The following CAST variants were observed in gnomAD, a reference collection of about 807,000 sequenced individuals.
The protein encoded by CAST is MIR583 host.
A neutral mutation model predicts 119.6 loss-of-function variants in CAST; 76 were observed. The ratio of observed to expected loss-of-function variants is 0.64; its 90% CI spans 0.53 to 0.77. CAST has a LOEUF of 0.77. CAST is among the 30% of genes least tolerant of loss of function. The pLI is 0.00. For synonymous variants in CAST, 319 were observed against 331.6 expected (o/e 0.96, Z 0.41); for missense variants, 953 against 946.5 (o/e 1.01, Z -0.09).
At chr5:96,518,597 A>G in the CAST span, among the ~76,000 whole-genome samples, 1 of 152,230 alleles carries the variant, frequency 6.6e-6, no homozygotes, top group African/African-American at 2.4e-5. Flanking sequence ...CCAAGCAGTT[A>G]TAATGATTGC....
chr5:96,643,112 A>T (rs1747973375), intron 1 of CAST, among the ~76,000 whole-genome samples: 1 of 152,198 alleles, frequency 6.6e-6, no homozygotes, highest in Non-Finnish European at 1.5e-5. Flanking sequence ...CATACAAAAC[A>T]ACGTTCACAA....
intron 1 of CAST, among the ~76,000 whole-genome samples, chr5:96,561,285 A>G (rs145392901): frequency 2.0e-4 from 30 of 152,044 alleles, no homozygotes; most frequent in African/African-American, 5.5e-4. Context: ...CAGCACACCA[A>G]CATGGCACAT....
the CAST span, among the ~76,000 whole-genome samples, chr5:96,237,716 T>G: frequency 6.6e-6 from 1 of 152,124 alleles, no homozygotes; most frequent in Non-Finnish European, 1.5e-5. Context: ...AAGTATATTT[T>G]CATAGAATTA....
the CAST span, among the ~76,000 whole-genome samples, chr5:96,243,361 C>G: frequency 6.7e-6 from 1 of 150,230 alleles, no homozygotes; most frequent in Non-Finnish European, 1.5e-5. Context: ...ACGTTTTGCT[C>G]ACTAATCCTA....
intron 1 of CAST, among the ~76,000 whole-genome samples, chr5:96,616,723 TCGC>T (rs1561431219): frequency 4.8e-4 from 65 of 136,328 alleles, no homozygotes; most frequent in African/African-American, 1.6e-3. Flanking sequence ...CACCAAGCGC[TCGC>T]TCGCTCTCTC....
At chr5:96,299,344 C>CAATG in the CAST span, among the ~76,000 whole-genome samples, 1 of 151,880 alleles carries the variant, frequency 6.6e-6, no homozygotes, top group Non-Finnish European at 1.5e-5. Flanking sequence ...GGATCAAAGG[C>CAATG]AATGAAGCAC....
the CAST span, among the ~76,000 whole-genome samples, chr5:96,047,062 C>T: frequency 6.6e-6 from 1 of 152,110 alleles, no homozygotes. Context: ...CCTAAAGAAC[C>T]ACATTAGCAT....
the CAST span, among the ~76,000 whole-genome samples, chr5:96,096,480 G>T: frequency 6.6e-6 from 1 of 152,120 alleles, no homozygotes; most frequent in African/African-American, 2.4e-5. Context: ...CAAGACCCAG[G>T]GAAAGGGAGG....
intron 1 of CAST, among the ~76,000 whole-genome samples, chr5:96,663,343 G>T (rs1444709579): frequency 6.6e-6 from 1 of 152,214 alleles, no homozygotes; most frequent in African/African-American, 2.4e-5. Context: ...GGGAGAGGCA[G>T]GGGACTCACC....
chr5:96,768,032 A>C, intron 29 of CAST, 33 bp downstream of exon 29: 1 of 1,343,724 alleles, frequency 7.4e-7, no homozygotes, highest in Non-Finnish European at 1.1e-6. Context: ...ACTCTTTGAA[A>C]TGTGTGTGTG....
At chr5:96,023,413 A>T in the CAST span, among the ~76,000 whole-genome samples, 2 of 152,216 alleles carry the variant, frequency 1.3e-5, no homozygotes, top group African/African-American at 4.8e-5. Flanking sequence ...TTGAGTAGGG[A>T]AGCTATTTTG....
the CAST span, among the ~76,000 whole-genome samples, chr5:95,963,647 C>T: frequency 2.6e-5 from 4 of 151,890 alleles, no homozygotes; most frequent in East Asian, 7.7e-4. Context: ...AAAGTAGAAA[C>T]CTTATTCAAA....
At chr5:96,368,272 G>C in the CAST span, among the ~76,000 whole-genome samples, 1 of 151,892 alleles carries the variant, frequency 6.6e-6, no homozygotes, top group Non-Finnish European at 1.5e-5. Flanking sequence ...GGCCAATGCG[G>C]GTGGATCACC....
chr5:96,609,700 C>T (rs909188056), intron 1 of CAST, among the ~76,000 whole-genome samples: 2 of 152,164 alleles, frequency 1.3e-5, no homozygotes, highest in African/African-American at 2.4e-5. Context: ...GTGGATCTTT[C>T]AAAACCAGAG....
chr5:96,412,752 G>GTTTTTTTTTTGTTGTTTTTTTTTTTTTT, the CAST span, among the ~76,000 whole-genome samples: 1 of 71,832 alleles, frequency 1.4e-5, no homozygotes, highest in African/African-American at 9.0e-5. Context: ...CAGCTGTGAT[G>GTTTTTTTTTTGTTGTTTTTTTTTTTTTT]TTTTTTTTTT....
At chr5:96,298,583 T>C in the CAST span, among the ~76,000 whole-genome samples, 60 of 152,298 alleles carry the variant, frequency 3.9e-4, 1 homozygote, top group South Asian at 0.012. Flanking sequence ...GTTTAGCAAT[T>C]ATTATTAATT....
the CAST span, among the ~76,000 whole-genome samples, chr5:96,140,178 AT>A: frequency 3.9e-5 from 6 of 152,164 alleles, no homozygotes; most frequent in Admixed American, 3.9e-4. Context: ...TGGGGAGAGG[AT>A]TTAATTGGGA....
chr5:96,282,420 TTAATA>T, the CAST span, among the ~76,000 whole-genome samples: 2 of 152,290 alleles, frequency 1.3e-5, no homozygotes, highest in South Asian at 4.1e-4. Flanking sequence ...GACAAAAACC[TTAATA>T]TTAGCTAGGC....
At chr5:96,345,215 C>T in the CAST span, among the ~76,000 whole-genome samples, 8 of 152,268 alleles carry the variant, frequency 5.3e-5, no homozygotes, top group South Asian at 2.1e-4. Context: ...TCCAGATATA[C>T]GCTAATTTTT....
Sources: gnomAD v4.1 joint callset for allele counts (sites outside exome capture counted in the v4.1 genomes callset) on GRCh38, gnomAD v4.1.1 for gene constraint, MANE v1.5 for transcripts, NCBI Gene and HGNC (gene_info 2026-07-23, HGNC 2026-07-21) for gene names.